Variants in DCP1B observed in about 807,000 individuals in gnomAD.
The protein encoded by DCP1B is mRNA-decapping enzyme 1B.
A neutral mutation model predicts 60.5 loss-of-function variants in DCP1B; 47 were observed. The ratio of observed to expected loss-of-function variants is 0.78; its 90% CI spans 0.61 to 0.99. The LOEUF is 0.99. Ranked by LOEUF, DCP1B falls within the 50% of genes least tolerant of loss-of-function variation. The pLI, the probability that DCP1B is intolerant of heterozygous loss-of-function variation, is 0.00. For missense variants in DCP1B, 725 were observed against 756.8 expected, an observed-to-expected ratio of 0.96 and a Z score of 0.49; for synonymous variants, 267 against 280.3, an observed-to-expected ratio of 0.95 and a Z score of 0.47.
At chr12:2,002,803 T>A (rs892252747) in intron 1 of DCP1B, among the ~76,000 whole-genome samples, 2 of 152,140 alleles carry the variant, frequency 1.3e-5, no homozygotes, top group African/African-American at 4.8e-5. Context: ...AAAATAGCCA[T>A]ATGTAGAATA....
chr12:1,990,945 ACT>A (rs1433935725), intron 3 of DCP1B, among the ~76,000 whole-genome samples: 1 of 150,744 alleles, frequency 6.6e-6, no homozygotes, highest in African/African-American at 2.4e-5. Flanking sequence ...AAACCAAATG[ACT>A]CTGGGTGCAA....
At chr12:1,951,275 C>G (rs536895149) in intron 7 of DCP1B, among the ~76,000 whole-genome samples, 73 of 151,204 alleles carry the variant, frequency 4.8e-4, no homozygotes, top group African/African-American at 1.7e-3. Flanking sequence ...AACTCTGTCT[C>G]AAAAAACAAA....
chr12:1,965,210 T>C (rs1453915447), intron 5 of DCP1B, among the ~76,000 whole-genome samples: 2 of 152,168 alleles, frequency 1.3e-5, no homozygotes, highest in Non-Finnish European at 2.9e-5. Flanking sequence ...TTCTCGTGAA[T>C]TTTATTGCAA....
intron 3 of DCP1B, among the ~76,000 whole-genome samples, chr12:1,970,212 G>A (rs1334921170): frequency 1.3e-5 from 2 of 152,092 alleles, no homozygotes; most frequent in Non-Finnish European, 2.9e-5. Context: ...AAAATGCTAC[G>A]GAACATCTTT....
chr12:1,946,627 G>A (rs149245529), intron 8 of DCP1B, among the ~76,000 whole-genome samples: 42 of 152,360 alleles, frequency 2.8e-4, no homozygotes, highest in Middle Eastern at 3.4e-3. Context: ...AGACAGAGGA[G>A]TTAGGAGGAC....
Position 1,986,020 on chromosome 12 carries a change from A to G in DCP1B, c.319+7244T>C, listed in dbSNP as rs111734792. On this transcript the variant is annotated intron_variant, in intron 3 of 8. Coordinates refer to ENST00000280665, the MANE Select transcript of DCP1B (RefSeq NM_152640.5). ...AGTAGAGATGGAGTTTCACCGTGTT[A>G]GCCAGGATGGTCTCGATCTCCTGAC... Among the ~76,000 whole-genome samples, 19 of 152,200 alleles carry G rather than the reference A, an allele frequency of 1.2e-4. 2 individuals carry two copies. Among genetic ancestry groups the G allele is most frequent in the South Asian group, 4.1e-4 (2 of 4,820 alleles).
Position 1,971,601 on chromosome 12 carries a change from C to A in DCP1B, c.320-3691G>T, listed in dbSNP as rs2032303837. Among the ~76,000 whole-genome samples the A allele has an allele frequency of 6.6e-6, 1 of 152,146 alleles. No individual in the cohort carries two copies. Among genetic ancestry groups the A allele is most frequent in the Non-Finnish European group, 1.5e-5 (1 of 68,010 alleles). ...TGATTATATTCAGTAGTGGTATTTTCTTTTTAAATTTCTTCAGTGGAAAAA... is the reference window on the plus strand; with the variant it reads ...TGATTATATTCAGTAGTGGTATTTTATTTTTAAATTTCTTCAGTGGAAAAA... On this transcript the variant is annotated intron_variant, in intron 3 of 8. Transcript: ENST00000280665. This position sits in a 1 kb window ranked among gnomAD's most constrained non-coding sequence, Gnocchi z 4.2.
At chr12:1,955,359 G>A (rs2030844351) in intron 6 of DCP1B, 73 bp downstream of exon 6, 3 of 1,511,030 alleles carry the variant, frequency 2.0e-6, no homozygotes, top group Non-Finnish European at 1.8e-6. Flanking sequence ...GCCCTCCCCT[G>A]ACTATATTCT....
intron 1 of DCP1B, among the ~76,000 whole-genome samples, chr12:2,002,440 T>C (rs1477138667): frequency 6.6e-6 from 1 of 152,238 alleles, no homozygotes; most frequent in African/African-American, 2.4e-5. Context: ...GAATGAATTA[T>C]GCCCTGTCTG....
At chr12:1,970,211 C>T (rs113570226) in intron 3 of DCP1B, among the ~76,000 whole-genome samples, 4,159 of 152,200 alleles carry the variant, frequency 0.027, 93 homozygotes, top group Middle Eastern at 0.054. Flanking sequence ...GAAAATGCTA[C>T]GGAACATCTT....
At chr12:1,973,630 C>T (rs2033265687) in intron 3 of DCP1B, among the ~76,000 whole-genome samples, 1 of 152,154 alleles carries the variant, frequency 6.6e-6, no homozygotes, top group Non-Finnish European at 1.5e-5. Context: ...CTACTACCCT[C>T]AGGTTTACCA....
At chr12:1,941,953 T>C (rs556501005), downstream of DCP1B, among the ~76,000 whole-genome samples, 2 of 152,244 alleles carry the variant, frequency 1.3e-5, no homozygotes, top group Admixed American at 1.3e-4. Context: ...TAACCTTAAA[T>C]GTAAATGGGC....
At chr12:1,942,848 T>C (rs557603488), downstream of DCP1B, among the ~76,000 whole-genome samples, 6 of 152,184 alleles carry the variant, frequency 3.9e-5, no homozygotes, top group East Asian at 1.9e-4. Context: ...AAAGCGGGAA[T>C]GATCTAAAAT....
At chr12:1,953,590 A>T (rs1259700994) in intron 6 of DCP1B, among the ~76,000 whole-genome samples, 1 of 152,178 alleles carries the variant, frequency 6.6e-6, no homozygotes, top group Non-Finnish European at 1.5e-5. Context: ...CTTGGTAGGA[A>T]ATTATATGCA....
At chr12:1,943,172 T>C (rs2030322304), downstream of DCP1B, among the ~76,000 whole-genome samples, 1 of 152,162 alleles carries the variant, frequency 6.6e-6, no homozygotes, top group Non-Finnish European at 1.5e-5. Flanking sequence ...TAAACACCTC[T>C]ATGCAAATAA....
At chr12:1,954,358 T>C (rs939852600) in intron 6 of DCP1B, among the ~76,000 whole-genome samples, 6 of 152,216 alleles carry the variant, frequency 3.9e-5, no homozygotes, top group Non-Finnish European at 8.8e-5. Context: ...TTTTCATTAC[T>C]AGTCTTTATG....
At chr12:1,959,498 G>A (rs1189329027) in intron 5 of DCP1B, among the ~76,000 whole-genome samples, 2 of 152,158 alleles carry the variant, frequency 1.3e-5, no homozygotes, top group African/African-American at 2.4e-5. Flanking sequence ...GCTCGACATC[G>A]CTAATCATCA....
At chr12:1,972,761 A>G (rs2032857145) in intron 3 of DCP1B, among the ~76,000 whole-genome samples, 1 of 152,186 alleles carries the variant, frequency 6.6e-6, no homozygotes, top group South Asian at 2.1e-4. Flanking sequence ...TTTTTAAACC[A>G]AAGTTCATAT....
chr12:1,984,648 T>C (rs1403975815), intron 3 of DCP1B, among the ~76,000 whole-genome samples: 2 of 152,038 alleles, frequency 1.3e-5, no homozygotes, highest in South Asian at 2.1e-4. Context: ...AATAAATCTT[T>C]TGTAATTACC....
Sources: gnomAD v4.1 joint callset for allele counts (sites outside exome capture counted in the v4.1 genomes callset) on GRCh38, gnomAD v4.1.1 for gene constraint, Gnocchi (gnomAD v3.1) non-coding constraint, MANE v1.5 for transcripts, NCBI Gene and HGNC (gene_info 2026-07-23, HGNC 2026-07-21) for gene names.